The following ATG4C variants were observed in gnomAD, a reference collection of about 807,000 sequenced individuals.
The protein encoded by ATG4C is autophagy related 4C cysteine peptidase, also known as cysteine protease ATG4C.
ATG4C carries 56 observed loss-of-function variants against 57.6 expected under a neutral mutation model. That is an observed-to-expected ratio of 0.97 (90% confidence interval 0.78 to 1.21). The LOEUF is 1.21. Ranked by LOEUF, ATG4C falls within the 50% of genes most tolerant of loss-of-function variation. ATG4C has a pLI of 0.00. For missense variants in ATG4C, 595 were observed against 529.8 expected, an observed-to-expected ratio of 1.12 and a Z score of -1.21; for synonymous variants, 157 against 174.1, an observed-to-expected ratio of 0.90 and a Z score of 0.78.
chr1:62,812,492 A>G (rs1217383151), intron 3 of ATG4C, among the ~76,000 whole-genome samples: 1 of 152,202 alleles, frequency 6.6e-6, no homozygotes, highest in Non-Finnish European at 1.5e-5. Flanking sequence ...AGAGCTATTT[A>G]TGACAAACCC....
At position 62,803,807 on chromosome 1, in the gene ATG4C, T is replaced by TG. The variant is rs768190636; in HGVS notation, c.22dup (p.Glu8GlyfsTer3). The TG allele has an allele frequency of 1.2e-6, 2 of 1,607,118 alleles. No homozygotes were observed. Among genetic ancestry groups the TG allele is most frequent in the East Asian group, 4.5e-5 (2 of 44,382 alleles). On this transcript the variant is annotated frameshift_variant, in exon 2 of 11. Coordinates refer to ENST00000317868, the MANE Select transcript of ATG4C (RefSeq NM_032852.4). LOFTEE classifies it high-confidence loss of function. ...TGAATATGGAGGCTACAGGAACAGATGAAGTTGACAAGCTAAAAACCAAAT... is the reference window on the plus strand; with the variant it reads ...TGAATATGGAGGCTACAGGAACAGATGGAAGTTGACAAGCTAAAAACCAAAT...
At chr1:62,803,190 T>C (rs1175341713) in intron 1 of ATG4C, among the ~76,000 whole-genome samples, 1 of 152,146 alleles carries the variant, frequency 6.6e-6, no homozygotes, top group Admixed American at 6.6e-5. Flanking sequence ...AGTATGGAGA[T>C]AGGAAGGAAA....
intron 10 of ATG4C, among the ~76,000 whole-genome samples, chr1:62,849,586 A>G (rs1666438555): frequency 6.6e-6 from 1 of 151,750 alleles, no homozygotes; most frequent in African/African-American, 2.4e-5. Flanking sequence ...ATCTTGGCTC[A>G]CTGCAACCTC....
chr1:62,810,111 A>C (rs1665028297), intron 3 of ATG4C, among the ~76,000 whole-genome samples: 1 of 152,214 alleles, frequency 6.6e-6, no homozygotes. Flanking sequence ...CATGTACAAG[A>C]ATTTCATTGT....
chr1:62,836,001 A>G (rs1227485736), intron 9 of ATG4C, among the ~76,000 whole-genome samples: 1 of 152,092 alleles, frequency 6.6e-6, no homozygotes, highest in African/African-American at 2.4e-5. Context: ...TTTAGATGGA[A>G]AATTGTTCTT....
At position 62,816,587 on chromosome 1, in the gene ATG4C, C is replaced by T. The variant is rs1187540076; in HGVS notation, c.173C>T (p.Thr58Met). Residue 58 changes from threonine (T) to methionine (M), a missense_variant, in exon 4 of 11, where the codon ACG becomes ATG. Physicochemically the swap from Thr to Met is moderately conservative, Grantham distance 81. Coordinates refer to ENST00000317868, the MANE Select transcript of ATG4C (RefSeq NM_032852.4). ...YHFKYEDEDK[T>M]LPAESGCTIE... Reference sequence around the variant, plus strand: ...GTTTATTTTTTAGATGAAGATAAAACGTTACCTGCAGAGTCGGGATGTACA... The same window carrying T: ...GTTTATTTTTTAGATGAAGATAAAATGTTACCTGCAGAGTCGGGATGTACA... 13 of 1,605,688 alleles carry T rather than the reference C, an allele frequency of 8.1e-6. No homozygotes were observed. The highest frequency in any genetic ancestry group is 4.0e-5 in the African/African-American group (3 of 74,498).
At chr1:62,807,276 G>C (rs1016915965) in intron 3 of ATG4C, among the ~76,000 whole-genome samples, 1 of 152,138 alleles carries the variant, frequency 6.6e-6, no homozygotes, top group African/African-American at 2.4e-5. Flanking sequence ...TTTGGTCTTT[G>C]ATCCCAGTTC....
chr1:62,852,225 G>A (rs999951764), intron 10 of ATG4C, among the ~76,000 whole-genome samples: 47 of 152,118 alleles, frequency 3.1e-4, no homozygotes, highest in South Asian at 2.1e-4. Flanking sequence ...CTCCCAGACC[G>A]GATCAGTGCA....
intron 1 of ATG4C, among the ~76,000 whole-genome samples, chr1:62,785,510 T>A (rs78267275): frequency 0.012 from 1,822 of 152,312 alleles, 35 homozygotes; most frequent in African/African-American, 0.041. Context: ...AAAATGTATT[T>A]ATGGTGATTG....
rs377071014 is a variant in ATG4C, at chr1:62,831,770, T to C, written c.934-2268T>C. ...CAATCCAAAGATACAGCCTCTTACA[T>C]GTAAAGGCATTCTAGCTCCTAATCT... On this transcript the variant is annotated intron_variant, in intron 7 of 10. Transcript: ENST00000317868. 7.0e-4 allele frequency among the ~76,000 whole-genome samples: 107 copies of C among 152,322 alleles called. 2 individuals carry two copies. Among genetic ancestry groups the C allele is most frequent in the African/African-American group, 2.5e-3 (105 of 41,584 alleles).
chr1:62,839,518 C>T (rs1206308344), intron 9 of ATG4C, among the ~76,000 whole-genome samples: 1 of 152,176 alleles, frequency 6.6e-6, no homozygotes, highest in East Asian at 1.9e-4. Context: ...TTCGAATGAG[C>T]TGGGCAAATG....
chr1:62,809,815 G>GAA (rs1665014523), intron 3 of ATG4C, among the ~76,000 whole-genome samples: 1 of 151,796 alleles, frequency 6.6e-6, no homozygotes, highest in Admixed American at 6.6e-5. Flanking sequence ...CCAAATACAA[G>GAA]AAAATGCATA....
At chr1:62,810,154 C>T (rs926512123) in intron 3 of ATG4C, among the ~76,000 whole-genome samples, 1 of 152,116 alleles carries the variant, frequency 6.6e-6, no homozygotes, top group Non-Finnish European at 1.5e-5. Flanking sequence ...CAAGTATTCA[C>T]AAGAAGAGGA....
At position 62,829,199 on chromosome 1, in the gene ATG4C, T is replaced by G. The variant is rs750661278; in HGVS notation, c.933+23T>G. ...AAGGTATGAAATAAGTGCTGAACTT[T>G]TTTAGGGCAATACTAGCTAATATGA... is the stretch of plus-strand genomic sequence containing the variant. On this transcript the variant is annotated intron_variant, in intron 7 of 10. Transcript: ENST00000317868. 37 of 1,610,014 alleles carry G rather than the reference T, an allele frequency of 2.3e-5. 1 individual carries two copies. The highest frequency in any genetic ancestry group is 2.7e-5 in the African/African-American group (2 of 74,756).
intron 3 of ATG4C, among the ~76,000 whole-genome samples, chr1:62,808,112 A>T (rs921008006): frequency 2.6e-5 from 4 of 152,238 alleles, no homozygotes; most frequent in Non-Finnish European, 4.4e-5. Context: ...TTCATGCTTT[A>T]GAAAGATAAC....
chr1:62,841,570 A>G lies in ATG4C; in HGVS notation c.1209+23A>G, dbSNP rs1275716656. ...AAGGTATCTTTATTTAAAATATTAT[A>G]TTTGTAAATGACCTAATTTTATTAG... On this transcript the variant is annotated intron_variant, in intron 10 of 10. Coordinates refer to ENST00000317868, the MANE Select transcript of ATG4C (RefSeq NM_032852.4). The G allele has an allele frequency of 3.9e-6, 6 of 1,527,366 alleles. 1 individual carries two copies. The Middle Eastern group carries it at 8.9e-4, about 226-fold the overall frequency. The allele number at this position is 1,527,366 out of a possible 1,614,324, so 94.6% of individuals were successfully genotyped here. A position where few individuals can be genotyped will look rare whatever the true frequency, so the allele number is the denominator to read the frequency against.
At chr1:62,810,711 G>GTTTTTT (rs10677674) in intron 3 of ATG4C, among the ~76,000 whole-genome samples, 1 of 141,530 alleles carries the variant, frequency 7.1e-6, no homozygotes. Flanking sequence ...TTGAGTCCTT[G>GTTTTTT]TTTTTTTTTT....
At position 62,834,793 on chromosome 1, in the gene ATG4C, A is replaced by C. The variant is rs766415147; in HGVS notation, c.1030A>C (p.Met344Leu). 1 of 1,612,016 alleles carries C rather than the reference A, an allele frequency of 6.2e-7. No homozygotes were observed. Among genetic ancestry groups the C allele is most frequent in the South Asian group, 1.1e-5 (1 of 90,998 alleles). The part of the protein sequence containing the change: ...AGFQDDSLIY[M>L]DPHYCQSFVD... Reference sequence around the variant, plus strand: ...CCTTGTAGATGACAGTTTGATTTACATGGATCCTCATTACTGCCAATCTTT... The same window carrying C: ...CCTTGTAGATGACAGTTTGATTTACCTGGATCCTCATTACTGCCAATCTTT... The change falls in exon 9 of 11, where the codon ATG becomes CTG. Residue 344 changes from methionine to leucine, a missense_variant. Coordinates refer to ENST00000317868, the MANE Select transcript of ATG4C (RefSeq NM_032852.4).
chr1:62,844,434 G>A (rs1434374623), intron 10 of ATG4C, among the ~76,000 whole-genome samples: 1 of 152,082 alleles, frequency 6.6e-6, no homozygotes, highest in Non-Finnish European at 1.5e-5. Context: ...AGTGAAAGGG[G>A]TATATAAGTC....
Sources: allele counts gnomAD v4.1 joint callset (sites outside exome capture counted in the v4.1 genomes callset), GRCh38; gene constraint gnomAD v4.1.1; transcripts MANE v1.5; gene names NCBI Gene and HGNC (gene_info 2026-07-23, HGNC 2026-07-21).